The following GNMT variants were observed in gnomAD, a reference collection of about 807,000 sequenced individuals.
The protein encoded by GNMT is glycine N-methyltransferase.
A neutral mutation model predicts 30.2 loss-of-function variants in GNMT; 26 were observed. The ratio of observed to expected loss-of-function variants is 0.86; its 90% CI spans 0.63 to 1.19. The LOEUF (loss-of-function observed/expected upper bound fraction) is 1.19, where lower values mean the gene tolerates loss of function less well. Ranked by LOEUF, GNMT falls within the 50% of genes most tolerant of loss-of-function variation. GNMT has a pLI of 0.00. For synonymous variants in GNMT, 163 were observed against 163.8 expected, an observed-to-expected ratio of 1.00 and a Z score of 0.04; for missense variants, 365 against 398.1, an observed-to-expected ratio of 0.92 and a Z score of 0.71.
Position 42,963,348 on chromosome 6 carries a change from CACA to C in GNMT, c.619_621del (p.Thr207del), listed in dbSNP as rs774477434. 1 of 1,612,404 alleles carries C rather than the reference CACA, an allele frequency of 6.2e-7. No individual in the cohort carries two copies. Among genetic ancestry groups the C allele is most frequent in the Non-Finnish European group, 8.5e-7 (1 of 1,179,262 alleles). ...TACAGAGTGACTTGACCAAGGACGT[CACA>C]ACATCAGTGCTGATAGTGAACAACA... On this transcript the variant is annotated inframe_deletion, in exon 5 of 6. Transcript: ENST00000372808.
rs745587549 is a variant in GNMT at position 42,963,225 on chromosome 6, C to G, written c.594+11C>G. The stretch of plus-strand genomic sequence containing the variant: ...AACATCTACTATAAGGTGGGGCCCT[C>G]TGGGGTGGGGGTGGGGGTGGGGGTG... On this transcript the variant is annotated intron_variant, in intron 4 of 5. Transcript: ENST00000372808. 36 of 740,288 alleles carry G rather than the reference C, an allele frequency of 4.9e-5. No homozygotes were observed. The African/African-American group carries it at 1.2e-3, about 24-fold the overall frequency. 45.9% of individuals were successfully genotyped at this position (740,288 alleles called of 1,614,324 possible).
rs760563979 is a variant in GNMT at position 42,962,222 on chromosome 6, A to G, written c.217A>G (p.Ile73Val). 1 of 1,614,064 alleles carries G rather than the reference A, an allele frequency of 6.2e-7. No homozygotes were observed. The highest frequency in any genetic ancestry group is 1.7e-5 in the Admixed American group (1 of 60,006). The part of the protein sequence containing the change: ...DVACGTGVDS[I>V]MLVEEGFSVT... ...GCTGGCCGTACTCAGGGTGGACTCC[A>G]TTATGCTGGTGGAAGAGGGCTTCAG... is the stretch of plus-strand genomic sequence containing the variant. The change falls in exon 2 of 6, where the codon ATT (isoleucine) becomes GTT (valine). Residue 73 changes from isoleucine to valine, a missense_variant. By Grantham distance (29) the Ile-to-Val change is conservative. Coordinates refer to ENST00000372808, the MANE Select transcript of GNMT (RefSeq NM_018960.6).
At chr6:42,962,431 T>A in intron 2 of GNMT, 92 bp downstream of exon 2, 1 of 1,374,322 alleles carries the variant, frequency 7.3e-7, no homozygotes, top group Non-Finnish European at 1.0e-6. Context: ...GGGGGTGGAG[T>A]GTTGTGTTTT....
intron 3 of GNMT, 25 bp downstream of exon 3, chr6:42,962,903 A>G (rs368917174): frequency 1.3e-4 from 206 of 1,591,932 alleles, no homozygotes; most frequent in Admixed American, 2.3e-4. Context: ...GGCCTTGGGC[A>G]TGGCCCCCGC....
At chr6:42,961,571 T>TTTTTTTTTG (rs1769391459) in intron 1 of GNMT, among the ~76,000 whole-genome samples, 1 of 114,974 alleles carries the variant, frequency 8.7e-6, no homozygotes, top group South Asian at 2.6e-4. Context: ...TTTTTTTTTT[T>TTTTTTTTTG]GAGATGAAGT....
In GNMT at chr6:42,963,112, G is replaced by A. The variant is rs149792195; in HGVS notation, c.492G>A (p.Ala164=). 23 of 1,612,616 alleles carry A rather than the reference G, an allele frequency of 1.4e-5. No homozygotes were observed. In the African/African-American group the frequency reaches 2.0e-4, roughly 14 times the overall value. ...SEHRLALKNI[A]SMVRAGGLLV... ...ACCGGCTGGCGCTGAAAAACATTGCGAGCATGGTGCGGGCAGGGGGCCTAC... is the reference window on the plus strand; with the variant it reads ...ACCGGCTGGCGCTGAAAAACATTGCAAGCATGGTGCGGGCAGGGGGCCTAC... The change falls in exon 4 of 6, where the codon GCG becomes GCA. Residue 164 remains alanine, a synonymous_variant. Transcript: ENST00000372808.
Position 42,963,616 on chromosome 6 carries a change from G to C in GNMT, c.798G>C (p.Gln266His). 6.2e-7 allele frequency: 1 copy of C among 1,614,188 alleles called. No individual in the cohort carries two copies. Residue 266 changes from glutamine to histidine, a missense_variant, in exon 6 of 6, where the codon CAG (glutamine) becomes CAC (histidine). Gln to His is a conservative substitution (Grantham distance 24, BLOSUM62 0). Coordinates refer to ENST00000372808, the MANE Select transcript of GNMT (RefSeq NM_018960.6). Reference protein sequence around the residue: ...LLQAAFGGKCQHSVLGDFKPY... With the variant: ...LLQAAFGGKCHHSVLGDFKPY... ...AAGCAGCCTTCGGAGGTAAGTGCCA[G>C]CACAGCGTCCTGGGCGACTTCAAGC...
chr6:42,962,157 C>G (rs181496341), intron 1 of GNMT, 55 bp from the exon 2 acceptor site: 17,580 of 1,609,942 alleles, frequency 0.011, 128 homozygotes, highest in Non-Finnish European at 0.014. Flanking sequence ...TCCTCCTGGC[C>G]CTCCCAGGCT....
chr6:42,962,159 TCCCA>T, intron 1 of GNMT, 49 bp from the exon 2 acceptor site: 2 of 1,612,042 alleles, frequency 1.2e-6, no homozygotes, highest in Non-Finnish European at 1.7e-6. Flanking sequence ...CTCCTGGCCC[TCCCA>T]GGCTCCCCTA....
rs1769328795 is a variant in GNMT, at chr6:42,960,804, G to A, written c.37G>A (p.Val13Met). ...CGTGTACCGGACCCGCTCCCTGGGG[G>A]TGGCGGCCGAAGGGCTCCCGGACCA... ...DSVYRTRSLG[V>M]AAEGLPDQYA... The change falls in exon 1 of 6, where the codon GTG becomes ATG. Residue 13 changes from valine (V) to methionine (M), a missense_variant. Val to Met is a conservative substitution (Grantham distance 21, BLOSUM62 1). Around this residue, in one of 3 missense-constraint regions of GNMT, gnomAD observed 125 missense variants for 112.0 expected, o/e 1.12. Transcript: ENST00000372808. 7.1e-6 allele frequency: 11 copies of A among 1,554,428 alleles called. No individual in the cohort carries two copies. The highest frequency in any genetic ancestry group is 9.6e-6 in the Non-Finnish European group (11 of 1,151,436).
At chr6:42,961,550 C>CTTTATTTT (rs1769386210) in intron 1 of GNMT, among the ~76,000 whole-genome samples, 2 of 130,620 alleles carry the variant, frequency 1.5e-5, no homozygotes, top group Admixed American at 8.6e-5. Context: ...CTATTTTTCT[C>CTTTATTTT]TTTTTTTTTT....
chr6:42,961,989 A>C (rs1356660291), intron 1 of GNMT, among the ~76,000 whole-genome samples: 1 of 152,166 alleles, frequency 6.6e-6, no homozygotes, highest in Non-Finnish European at 1.5e-5. Context: ...GAATTAATGC[A>C]TATTTGTAGA....
At chr6:42,961,456 G>C (rs1769380003) in intron 1 of GNMT, among the ~76,000 whole-genome samples, 1 of 151,948 alleles carries the variant, frequency 6.6e-6, no homozygotes, top group Non-Finnish European at 1.5e-5. Context: ...GGGAAGTAAG[G>C]CCTCAGCAAA....
chr6:42,962,365 C>A, intron 2 of GNMT, 26 bp downstream of exon 2: 1 of 1,613,230 alleles, frequency 6.2e-7, no homozygotes, highest in African/African-American at 1.3e-5. Context: ...CAGGCTCCCC[C>A]AGCCCAGTCA....
At position 42,962,317 on chromosome 6, in the gene GNMT, C is replaced by G. The variant is rs138006194; in HGVS notation, c.312C>G (p.His104Gln). ...YALKERWNRRHEPAFDKWVIE... is the reference protein window; with the variant it reads ...YALKERWNRRQEPAFDKWVIE... ...TTAAGGAGCGCTGGAACCGGCGGCA[C>G]GAGCCCGCCTTCGACAAGTGGGGTA... The change falls in exon 2 of 6, where the codon CAC (histidine) becomes CAG (glutamine). Residue 104 changes from histidine to glutamine, a missense_variant. Coordinates refer to ENST00000372808, the MANE Select transcript of GNMT (RefSeq NM_018960.6). 14 of 1,613,964 alleles carry G rather than the reference C, an allele frequency of 8.7e-6. No homozygotes were observed. Among genetic ancestry groups the G allele is most frequent in the Admixed American group, 1.7e-5 (1 of 59,988 alleles).
Position 42,960,808 on chromosome 6 carries a change from C to A in GNMT, c.41C>A (p.Ala14Glu), listed in dbSNP as rs759988463. The change falls in exon 1 of 6, where the codon GCG (alanine) becomes GAG (glutamate). Residue 14 changes from alanine (A) to glutamate (E), a missense_variant. Physicochemically the swap from Ala to Glu is moderately radical, Grantham distance 107. This residue lies in a region of GNMT where 125 missense variants were observed against 112.0 expected (regional missense o/e 1.12). Transcript: ENST00000372808. ...TACCGGACCCGCTCCCTGGGGGTGG[C>A]GGCCGAAGGGCTCCCGGACCAGTAC... The part of the protein sequence containing the change: ...SVYRTRSLGV[A>E]AEGLPDQYAD... The A allele has an allele frequency of 1.3e-6, 2 of 1,554,306 alleles. No homozygotes were observed. Among genetic ancestry groups the A allele is most frequent in the East Asian group, 4.8e-5 (2 of 41,730 alleles).
At chr6:42,961,937 T>G (rs1769415681) in intron 1 of GNMT, among the ~76,000 whole-genome samples, 1 of 152,120 alleles carries the variant, frequency 6.6e-6, no homozygotes, top group African/African-American at 2.4e-5. Context: ...TGTCTGTCTC[T>G]CAAATGGGAA....
intron 1 of GNMT, among the ~76,000 whole-genome samples, chr6:42,961,860 G>A (rs1209335363): frequency 6.6e-6 from 1 of 152,102 alleles, no homozygotes; most frequent in Non-Finnish European, 1.5e-5. Flanking sequence ...GCTTTGTCCT[G>A]TGCTCTAAAC....
At position 42,960,812 on chromosome 6, in the gene GNMT, C is replaced by G. The variant is rs1386548678; in HGVS notation, c.45C>G (p.Ala15=). 1 of 1,556,508 alleles carries G rather than the reference C, an allele frequency of 6.4e-7. No homozygotes were observed. Among genetic ancestry groups the G allele is most frequent in the Non-Finnish European group, 8.7e-7 (1 of 1,153,048 alleles). Residue 15 remains alanine (A), a synonymous_variant, in exon 1 of 6, where the codon GCC becomes GCG. Transcript: ENST00000372808. ...VYRTRSLGVA[A]EGLPDQYADG... ...GGACCCGCTCCCTGGGGGTGGCGGC[C>G]GAAGGGCTCCCGGACCAGTACGCGG...
Sources: allele counts gnomAD v4.1 joint callset (sites outside exome capture counted in the v4.1 genomes callset), GRCh38; gene constraint gnomAD v4.1.1; regional missense constraint gnomAD v4.1.1; transcripts MANE v1.5; gene names NCBI Gene and HGNC (gene_info 2026-07-23, HGNC 2026-07-21).